The following MEIS1 variants were observed in gnomAD, a reference collection of about 807,000 sequenced individuals.
MEIS1 encodes Meis homeobox 1.
Under a neutral mutation model 50.8 loss-of-function variants are expected in MEIS1, and 5 were observed. That is an observed-to-expected ratio of 0.10 (90% confidence interval 0.05 to 0.21). The LOEUF is 0.21. Ranked by LOEUF, MEIS1 falls within the 10% of genes least tolerant of loss-of-function variation. The pLI is 1.00. For missense variants in MEIS1, 318 were observed against 517.3 expected, an observed-to-expected ratio of 0.61 and a Z score of 3.74; for synonymous variants, 176 against 179.3, an observed-to-expected ratio of 0.98 and a Z score of 0.15.
intron 8 of MEIS1, among the ~76,000 whole-genome samples, chr2:66,524,182 G>A (rs1033334197): frequency 6.6e-6 from 1 of 152,156 alleles, no homozygotes; most frequent in Non-Finnish European, 1.5e-5. Flanking sequence ...TCTGAACTTA[G>A]ACAATAATTG....
At chr2:66,546,861 C>A (rs1478807558) in intron 8 of MEIS1, among the ~76,000 whole-genome samples, 1 of 152,088 alleles carries the variant, frequency 6.6e-6, no homozygotes, top group Non-Finnish European at 1.5e-5. Context: ...CATTAACAAG[C>A]CTTTTTAGCA....
At chr2:66,547,715 A>T (rs1471579361) in intron 8 of MEIS1, among the ~76,000 whole-genome samples, 1 of 152,196 alleles carries the variant, frequency 6.6e-6, no homozygotes, top group Non-Finnish European at 1.5e-5. Flanking sequence ...GGATAAACTC[A>T]GTGTCAAGGT....
intron 8 of MEIS1, among the ~76,000 whole-genome samples, chr2:66,520,440 T>C (rs1674088188): frequency 6.6e-6 from 1 of 151,088 alleles, no homozygotes; most frequent in African/African-American, 2.4e-5. Context: ...AAGATTGGGC[T>C]ACTGCACTCC....
At chr2:66,533,720 TA>T (rs940992076) in intron 8 of MEIS1, among the ~76,000 whole-genome samples, 9 of 151,572 alleles carry the variant, frequency 5.9e-5, no homozygotes, top group African/African-American at 2.2e-4. Context: ...CAGGGCTTCT[TA>T]AAAAAAAATT....
intron 7 of MEIS1, among the ~76,000 whole-genome samples, chr2:66,471,587 T>C (rs1238431667): frequency 6.6e-6 from 1 of 152,248 alleles, no homozygotes; most frequent in African/African-American, 2.4e-5. Flanking sequence ...TGACTACTTT[T>C]GTCTCCCAAG....
rs76314193 is a variant in MEIS1 at position 66,447,810 on chromosome 2, G to A, written c.630+4762G>A. ...GCTAATACTACAAAAAATCCTTTGC[G>A]TAGCTTCCCTCTCTCTCTGTCTCCC... On this transcript the variant is annotated intron_variant, in intron 6 of 12. Coordinates refer to ENST00000272369, the MANE Select transcript of MEIS1 (RefSeq NM_002398.3). Among the ~76,000 whole-genome samples, 1,470 of 152,176 alleles carry A rather than the reference G, an allele frequency of 9.7e-3. 28 individuals carry two copies. The highest frequency in any genetic ancestry group is 0.034 in the African/African-American group (1,414 of 41,520).
At chr2:66,500,177 G>C (rs1276779451) in intron 7 of MEIS1, among the ~76,000 whole-genome samples, 1 of 152,106 alleles carries the variant, frequency 6.6e-6, no homozygotes, top group Non-Finnish European at 1.5e-5. Flanking sequence ...AAGTATACGA[G>C]CTTTACCACA....
chr2:66,473,398 ATATATAT>A (rs1444592909), intron 7 of MEIS1, among the ~76,000 whole-genome samples: 1 of 97,602 alleles, frequency 1.0e-5, no homozygotes, highest in Non-Finnish European at 2.0e-5. Context: ...AAAAAAAAAA[ATATATAT>A]ATATATATAT....
intron 6 of MEIS1, chr2:66,461,711 C>G: frequency 3.2e-6 from 1 of 311,404 alleles, no homozygotes; most frequent in East Asian, 1.0e-4. Flanking sequence ...GCATGAATTC[C>G]TGTATAATGT....
intron 9 of MEIS1, among the ~76,000 whole-genome samples, chr2:66,555,371 TG>T (rs757552154): frequency 4.8e-5 from 7 of 146,952 alleles, no homozygotes; most frequent in Admixed American, 2.8e-4. Flanking sequence ...CCATAAATCC[TG>T]TATGTAAGAG....
At chr2:66,472,182 G>A (rs1425555582) in intron 7 of MEIS1, among the ~76,000 whole-genome samples, 1 of 152,174 alleles carries the variant, frequency 6.6e-6, no homozygotes, top group Non-Finnish European at 1.5e-5. Context: ...ATGTGTTTCA[G>A]TTTCTACCCA....
chr2:66,447,409 T>C (rs1672179295), intron 6 of MEIS1, among the ~76,000 whole-genome samples: 1 of 152,220 alleles, frequency 6.6e-6, no homozygotes. Flanking sequence ...TTGATTGTGT[T>C]GTGGGTCATG....
intron 7 of MEIS1, among the ~76,000 whole-genome samples, chr2:66,497,088 CAT>C (rs1673424424): frequency 6.6e-6 from 1 of 152,172 alleles, no homozygotes; most frequent in Non-Finnish European, 1.5e-5. Flanking sequence ...ATGGGTCAGA[CAT>C]GTGCTGGCTG....
At chr2:66,445,711 C>A (rs942786700) in intron 6 of MEIS1, among the ~76,000 whole-genome samples, 4 of 152,086 alleles carry the variant, frequency 2.6e-5, no homozygotes, top group Non-Finnish European at 4.4e-5. Flanking sequence ...GCCACCCGCG[C>A]GGGGACCTGG....
intron 7 of MEIS1, 28 bp downstream of exon 7, chr2:66,464,248 A>T: frequency 6.6e-7 from 1 of 1,517,198 alleles, no homozygotes; most frequent in Non-Finnish European, 9.0e-7. Flanking sequence ...CTCTTTTGCT[A>T]CTTGTTTCAT....
chr2:66,556,491 C>CTTT (rs11369455), intron 9 of MEIS1, among the ~76,000 whole-genome samples: 4 of 144,198 alleles, frequency 2.8e-5, no homozygotes, highest in East Asian at 2.0e-4. Flanking sequence ...GATAAAGTCA[C>CTTT]TTTTTTTTTT....
intron 8 of MEIS1, among the ~76,000 whole-genome samples, chr2:66,525,138 A>T (rs1674217755): frequency 6.6e-6 from 1 of 152,124 alleles, no homozygotes; most frequent in African/African-American, 2.4e-5. Flanking sequence ...GCTTGAGCCC[A>T]GGTGGTGGAG....
intron 1 of MEIS1, 90 bp from the exon 2 acceptor site, chr2:66,437,647 T>C (rs1010017426): frequency 6.2e-6 from 7 of 1,134,684 alleles, no homozygotes; most frequent in Non-Finnish European, 6.6e-6. Flanking sequence ...GACCCAGCTG[T>C]ATTGACCTTA....
intron 7 of MEIS1, among the ~76,000 whole-genome samples, chr2:66,470,774 A>G (rs1054795329): frequency 2.0e-5 from 3 of 152,208 alleles, no homozygotes; most frequent in Non-Finnish European, 4.4e-5. Flanking sequence ...AGAAGTATTT[A>G]TCTGAAAAGT....
Sources: gnomAD v4.1 joint callset for allele counts (sites outside exome capture counted in the v4.1 genomes callset) on GRCh38, gnomAD v4.1.1 for gene constraint, MANE v1.5 for transcripts, NCBI Gene and HGNC (gene_info 2026-07-23, HGNC 2026-07-21) for gene names.